SLC31A2: variants seen among roughly 807,000 people sequenced by gnomAD.
SLC31A2 encodes protein SLC31A2.
In SLC31A2, 16 loss-of-function variants were observed where a neutral mutation model predicts 14.4. That is an observed-to-expected ratio of 1.11 (90% confidence interval 0.75 to 1.69). The LOEUF (loss-of-function observed/expected upper bound fraction) is 1.69. SLC31A2 is among the 40% of genes most tolerant of loss of function. The pLI, the probability that SLC31A2 is intolerant of heterozygous loss-of-function variation, is 0.00. For missense variants in SLC31A2, 140 were observed against 173.9 expected (o/e 0.81, Z 1.10); for synonymous variants, 56 against 68.7 (o/e 0.82, Z 0.91).
chr9:113,162,440 T>C, intron 3 of SLC31A2: 1 of 253,812 alleles, frequency 3.9e-6, no homozygotes, highest in South Asian at 6.2e-5. Flanking sequence ...AAATATGCCT[T>C]ACTGATGATT....
intron 1 of SLC31A2, among the ~76,000 whole-genome samples, chr9:113,154,052 A>C (rs1043453630): frequency 6.6e-6 from 1 of 151,844 alleles, no homozygotes; most frequent in East Asian, 1.9e-4. Context: ...GCTCACTGCA[A>C]CCTCCACCTC....
At chr9:113,152,998 G>T (rs1249352877) in intron 1 of SLC31A2, among the ~76,000 whole-genome samples, 1 of 152,166 alleles carries the variant, frequency 6.6e-6, no homozygotes, top group East Asian at 1.9e-4. Context: ...TGGCAGAGAT[G>T]GTGCTAGAGG....
intron 1 of SLC31A2, among the ~76,000 whole-genome samples, chr9:113,152,900 A>AT (rs1228574896): frequency 1.3e-5 from 2 of 152,236 alleles, no homozygotes; most frequent in African/African-American, 4.8e-5. Context: ...TGACTGATTA[A>AT]TTAGCCACTA....
At chr9:113,155,937 A>G (rs757871314) in intron 1 of SLC31A2, 18 of 449,002 alleles carry the variant, frequency 4.0e-5, no homozygotes, top group Non-Finnish European at 6.3e-5. Context: ...TCAGACTACT[A>G]TTCTTTACTA....
At position 113,156,547 on chromosome 9, in the gene SLC31A2, A is replaced by G. The variant is rs369053802; in HGVS notation, c.7-1180A>G. Reference sequence around the variant, plus strand: ...CTAGTGCTGAGATTCAAGGATTCTAATATTTGGCCATTGTCTTAGAAGGCA... The same window carrying G: ...CTAGTGCTGAGATTCAAGGATTCTAGTATTTGGCCATTGTCTTAGAAGGCA... On this transcript the variant is annotated intron_variant, in intron 1 of 3. Transcript: ENST00000259392. 1.2e-3 allele frequency among the ~76,000 whole-genome samples: 182 copies of G among 152,334 alleles called. 1 individual carries two copies. The highest frequency in any genetic ancestry group is 4.1e-3 in the African/African-American group (172 of 41,582).
rs1829868707 is a variant in SLC31A2, at chr9:113,151,691, G to T, written c.6+611G>T. On this transcript the variant is annotated intron_variant, in intron 1 of 3. Coordinates refer to ENST00000259392, the MANE Select transcript of SLC31A2 (RefSeq NM_001860.3). The surrounding 1 kb of genome is among the most constrained non-coding windows in gnomAD (Gnocchi z 4.2). ...GAGAGAACGACAGCTTGCAAGACTC[G>T]TTCGTCTTTGAAGAAGTCATATCAT... The T allele has an allele frequency of 6.6e-5, 10 of 152,224 alleles. No individual in the cohort carries two copies. Among genetic ancestry groups the T allele is most frequent in the Admixed American group, 6.5e-4 (10 of 15,292 alleles). The allele number at this position is 152,224 out of a possible 1,614,324, so 9.4% of individuals were successfully genotyped here.
In SLC31A2 at chr9:113,163,056, A is replaced by G; in HGVS notation, c.*139A>G. 3 of 802,050 alleles carry G rather than the reference A, an allele frequency of 3.7e-6. No homozygotes were observed. The highest frequency in any genetic ancestry group is 5.5e-6 in the Non-Finnish European group (3 of 541,514). The allele number at this position is 802,050 out of a possible 1,614,324, so 49.7% of individuals were successfully genotyped here. ...CCCCTGGAAACTTTGAGCTGAAGCCAGCACTTGCTCCCTGGAGTTCGGAAG... is the reference window on the plus strand; with the variant it reads ...CCCCTGGAAACTTTGAGCTGAAGCCGGCACTTGCTCCCTGGAGTTCGGAAG... On this transcript the variant is annotated 3_prime_UTR_variant, in exon 4 of 4. Coordinates refer to ENST00000259392, the MANE Select transcript of SLC31A2 (RefSeq NM_001860.3).
chr9:113,154,774 A>G (rs1181999843), intron 1 of SLC31A2, among the ~76,000 whole-genome samples: 1 of 151,940 alleles, frequency 6.6e-6, no homozygotes, highest in Non-Finnish European at 1.5e-5. Context: ...CTCCCACCCT[A>G]TCCTCTTTGC....
At chr9:113,152,893 CTGAT>C (rs1829885848) in intron 1 of SLC31A2, among the ~76,000 whole-genome samples, 1 of 152,238 alleles carries the variant, frequency 6.6e-6, no homozygotes, top group African/African-American at 2.4e-5. Flanking sequence ...AACTCCCTGA[CTGAT>C]TAATTAGCCA....
intron 2 of SLC31A2, among the ~76,000 whole-genome samples, chr9:113,158,363 A>G (rs10981656): frequency 0.071 from 10,774 of 152,306 alleles, 466 homozygotes; most frequent in South Asian, 0.14. Context: ...GCGGGTGCAG[A>G]TTAAATAAAT....
chr9:113,155,266 C>T (rs1042676069), intron 1 of SLC31A2, among the ~76,000 whole-genome samples: 2 of 152,224 alleles, frequency 1.3e-5, no homozygotes, highest in African/African-American at 4.8e-5. Flanking sequence ...ACTTCCAGTG[C>T]TGCCCTGAGA....
rs1044727171 is a variant in SLC31A2 at position 113,163,874 on chromosome 9, G to A, written c.*957G>A. On this transcript the variant is annotated 3_prime_UTR_variant, in exon 4 of 4. Coordinates refer to ENST00000259392, the MANE Select transcript of SLC31A2 (RefSeq NM_001860.3). ...CTTACTGCTTACTCGTAATGATCTA[G>A]TGGGGAAACATGATTCATTCACTTA... The A allele has an allele frequency of 7.3e-5, 11 of 151,554 alleles. No homozygotes were observed. Among genetic ancestry groups the A allele is most frequent in the Non-Finnish European group, 1.2e-4 (8 of 67,934 alleles). The allele number at this position is 151,554 out of a possible 1,614,324, so 9.4% of individuals were successfully genotyped here.
intron 1 of SLC31A2, chr9:113,156,151 C>T (rs1829932221): frequency 1.9e-6 from 1 of 517,748 alleles, no homozygotes; most frequent in African/African-American, 1.9e-5. Flanking sequence ...CTGACGTTTG[C>T]CTCCACCGGA....
Position 113,161,842 on chromosome 9 carries a change from A to T in SLC31A2, c.263+144A>T, listed in dbSNP as rs773188282. 8.1e-6 allele frequency: 7 copies of T among 862,034 alleles called. No individual in the cohort carries two copies. In the South Asian group the frequency reaches 8.5e-5, roughly 10 times the overall value. The allele number at this position is 862,034 out of a possible 1,614,324, so 53.4% of individuals were successfully genotyped here. A position where few individuals can be genotyped will look rare whatever the true frequency, so the allele number is the denominator to read the frequency against. ...AGGACTTGCCAAAGTGGCTACACAT[A>T]GCCAAGTGAACTAGAGCTCATGTCT... is the stretch of plus-strand genomic sequence containing the variant. On this transcript the variant is annotated intron_variant, in intron 3 of 3. Coordinates refer to ENST00000259392, the MANE Select transcript of SLC31A2 (RefSeq NM_001860.3).
rs370302915 is a variant in SLC31A2 at position 113,158,702 on chromosome 9, G to C, written c.73+909G>C. Among the ~76,000 whole-genome samples the C allele has an allele frequency of 3.3e-5, 5 of 152,318 alleles. No homozygotes were observed. The East Asian group carries it at 7.7e-4, about 24-fold the overall frequency. ...CAGAGTGGCTAGATTCCAAGATCGA[G>C]TGTCGCAAGAGAACAAGGTAGAAGT... On this transcript the variant is annotated intron_variant, in intron 2 of 3. Transcript: ENST00000259392.
At chr9:113,158,968 A>G (rs1414570766) in intron 2 of SLC31A2, among the ~76,000 whole-genome samples, 1 of 152,132 alleles carries the variant, frequency 6.6e-6, no homozygotes, top group Non-Finnish European at 1.5e-5. Flanking sequence ...GAAAAGGTAA[A>G]TCTGTGTGAA....
chr9:113,152,490 C>T (rs142656083), intron 1 of SLC31A2, among the ~76,000 whole-genome samples: 269 of 152,342 alleles, frequency 1.8e-3, no homozygotes, highest in African/African-American at 6.1e-3. Context: ...TACAGTTCAT[C>T]TTCCCAGCTA....
intron 2 of SLC31A2, chr9:113,161,238 A>G (rs1222070706): frequency 6.5e-6 from 3 of 464,810 alleles, no homozygotes; most frequent in Admixed American, 8.2e-5. Flanking sequence ...AGATTTGTGC[A>G]GCCTGCTGGG....
chr9:113,162,955 A>G lies in SLC31A2; in HGVS notation c.*38A>G. Reference sequence around the variant, plus strand: ...GTGCAGGCACTGAGGCTGGAGGGACATGGAGCCCCCTCTTCCAGACACTAT... The same window carrying G: ...GTGCAGGCACTGAGGCTGGAGGGACGTGGAGCCCCCTCTTCCAGACACTAT... On this transcript the variant is annotated 3_prime_UTR_variant, in exon 4 of 4. Transcript: ENST00000259392. 1.9e-6 allele frequency: 3 copies of G among 1,538,544 alleles called. No homozygotes were observed. Among genetic ancestry groups the G allele is most frequent in the Non-Finnish European group, 2.6e-6 (3 of 1,139,620 alleles).
Sources: allele counts gnomAD v4.1 joint callset (sites outside exome capture counted in the v4.1 genomes callset), GRCh38; gene constraint gnomAD v4.1.1; non-coding constraint Gnocchi (gnomAD v3.1); transcripts MANE v1.5; gene names NCBI Gene and HGNC (gene_info 2026-07-23, HGNC 2026-07-21).